UVSSA: variants seen among roughly 807,000 people sequenced by gnomAD.
UVSSA encodes UV stimulated scaffold protein A, also known as UV-stimulated scaffold protein A.
In UVSSA, 72 loss-of-function variants were observed where a neutral mutation model predicts 73.9. The ratio of observed to expected loss-of-function variants is 0.97; its 90% CI spans 0.81 to 1.19. The LOEUF (loss-of-function observed/expected upper bound fraction) is 1.19. Among genes scored for constraint, UVSSA ranks in the 50% most tolerant of loss-of-function variants. The pLI is 0.00. For synonymous variants in UVSSA, 454 were observed against 391.3 expected (o/e 1.16, Z -1.89); for missense variants, 1,150 against 965.0 (o/e 1.19, Z -2.54).
chr4:1,349,039 T>G (rs76149189), intron 2 of UVSSA, among the ~76,000 whole-genome samples: 23 of 50,972 alleles, frequency 4.5e-4, no homozygotes, highest in Non-Finnish European at 8.9e-4. Flanking sequence ...CCAGGCGGTG[T>G]GTGTTTGTGC....
downstream of UVSSA, chr4:1,388,157 A>T (rs1236480972): frequency 2.0e-5 from 3 of 152,092 alleles, no homozygotes; most frequent in African/African-American, 7.2e-5. Context: ...ATTTACTCAT[A>T]TTTTATTATT....
chr4:1,375,508 G>T lies in UVSSA; in HGVS notation c.1433G>T (p.Ser478Ile). Residue 478 changes from serine (S) to isoleucine (I), a missense_variant and splice_region_variant, in exon 9 of 14, where the codon AGC becomes ATC. By Grantham distance (142) the Ser-to-Ile change is moderately radical. Transcript: ENST00000389851. ...RDHLPPPSSA[S>I]PSRALPEPQE... Reference sequence around the variant, plus strand: ...CACTTGCCTCCACCCTCATCTGCCAGGTGACTCCCAGTGTCCTGTGTGCTG... The same window carrying T: ...CACTTGCCTCCACCCTCATCTGCCATGTGACTCCCAGTGTCCTGTGTGCTG... 6.2e-7 allele frequency: 1 copy of T among 1,609,046 alleles called. No individual in the cohort carries two copies. Among genetic ancestry groups the T allele is most frequent in the Non-Finnish European group, 8.5e-7 (1 of 1,179,616 alleles).
intron 10 of UVSSA, among the ~76,000 whole-genome samples, chr4:1,376,380 T>C (rs1475225403): frequency 6.6e-6 from 1 of 152,188 alleles, no homozygotes; most frequent in African/African-American, 2.4e-5. Flanking sequence ...TTTGAGCCTT[T>C]CTGCTGCTGT....
chr4:1,356,305 G>T (rs1037890677), intron 7 of UVSSA, among the ~76,000 whole-genome samples: 1 of 152,142 alleles, frequency 6.6e-6, no homozygotes, highest in African/African-American at 2.4e-5. Context: ...AGCTCCTCTC[G>T]ATTAAATGCT....
intron 12 of UVSSA, 152 bp downstream of exon 12, chr4:1,381,140 G>A (rs1231006681): frequency 6.7e-6 from 5 of 747,560 alleles, no homozygotes; most frequent in Non-Finnish European, 1.1e-5. Flanking sequence ...GGCAGAATCA[G>A]GAGGGGATGC....
At chr4:1,379,912 T>TTTTG in intron 10 of UVSSA, 135 bp from the exon 11 acceptor site, 95 of 953,782 alleles carry the variant, frequency 1.0e-4, no homozygotes, top group Non-Finnish European at 1.2e-4. Context: ...GACCGTGTTC[T>TTTTG]CCCTGGGTGC....
At position 1,361,799 on chromosome 4, in the gene UVSSA, C is replaced by T. The variant is rs368058455; in HGVS notation, c.1177-4521C>T. 1.0e-3 allele frequency among the ~76,000 whole-genome samples: 154 copies of T among 151,450 alleles called. 4 individuals carry two copies. In the South Asian group the frequency reaches 0.03, roughly 30 times the overall value. On this transcript the variant is annotated intron_variant, in intron 7 of 13. Transcript: ENST00000389851. ...GTTTTTAAACACATAGCCATCAAGG[C>T]GCTGAAAGACAAATGCAATTTGGAA...
chr4:1,372,852 CCGCGTCCCTG>C (rs1426000148), intron 8 of UVSSA, among the ~76,000 whole-genome samples: 3 of 77,456 alleles, frequency 3.9e-5, no homozygotes, highest in African/African-American at 7.3e-5. Context: ...CACTCACCTC[CCGCGTCCCTG>C]CACTCACCTC....
At chr4:1,364,649 A>G (rs1159366957) in intron 7 of UVSSA, among the ~76,000 whole-genome samples, 1 of 152,138 alleles carries the variant, frequency 6.6e-6, no homozygotes, top group Non-Finnish European at 1.5e-5. Flanking sequence ...GTATTCCTCC[A>G]ACAGGGATCT....
chr4:1,373,804 T>G (rs1718423907), intron 8 of UVSSA, among the ~76,000 whole-genome samples: 1 of 152,210 alleles, frequency 6.6e-6, no homozygotes, highest in Non-Finnish European at 1.5e-5. Flanking sequence ...TCCCTCGCTG[T>G]CTGCGGTCAC....
At chr4:1,352,143 C>G (rs760802175) in intron 4 of UVSSA, among the ~76,000 whole-genome samples, 1 of 152,276 alleles carries the variant, frequency 6.6e-6, no homozygotes, top group Non-Finnish European at 1.5e-5. Context: ...GCTGAAGGCC[C>G]TGCCACCTGT....
In UVSSA at chr4:1,366,383, A is replaced by C; in HGVS notation, c.1240A>C (p.Lys414Gln). 1 of 1,613,400 alleles carries C rather than the reference A, an allele frequency of 6.2e-7. No individual in the cohort carries two copies. Among genetic ancestry groups the C allele is most frequent in the South Asian group, 1.1e-5 (1 of 91,054 alleles). Residue 414 changes from lysine to glutamine, a missense_variant, in exon 8 of 14, where the codon AAG (lysine) becomes CAG (glutamine). Transcript: ENST00000389851. Reference sequence around the variant, plus strand: ...TGAGGACTTTGTGGAGGTCCCTGAGAAGGAGGGGTATGAGCCACACATCCC... The same window carrying C: ...TGAGGACTTTGTGGAGGTCCCTGAGCAGGAGGGGTATGAGCCACACATCCC... ...DDEDFVEVPE[K>Q]EGYEPHIPDH...
At chr4:1,372,180 A>C (rs1331366636) in intron 8 of UVSSA, among the ~76,000 whole-genome samples, 1 of 151,964 alleles carries the variant, frequency 6.6e-6, no homozygotes, top group South Asian at 2.1e-4. Context: ...CTTTATTTTC[A>C]ACTTTTCACT....
chr4:1,373,198 C>G (rs1455594667), intron 8 of UVSSA, among the ~76,000 whole-genome samples: 1 of 152,170 alleles, frequency 6.6e-6, no homozygotes, highest in African/African-American at 2.4e-5. Flanking sequence ...AAAGTATCAG[C>G]TAATTTATAT....
intron 10 of UVSSA, 27 bp downstream of exon 10, chr4:1,376,195 C>T (rs1377886754): frequency 1.9e-6 from 3 of 1,590,686 alleles, no homozygotes; most frequent in Non-Finnish European, 2.6e-6. Flanking sequence ...CTGAAGTCGG[C>T]CAGGGCACAC....
intron 7 of UVSSA, among the ~76,000 whole-genome samples, chr4:1,361,464 C>A (rs1213959825): frequency 1.3e-5 from 2 of 152,274 alleles, no homozygotes; most frequent in African/African-American, 4.8e-5. Context: ...TTCAGCAGAA[C>A]CTCCAGGCTC....
chr4:1,380,171 C>T lies in UVSSA; in HGVS notation c.1693C>T (p.His565Tyr). The change falls in exon 11 of 14, where the codon CAC (histidine) becomes TAC (tyrosine). Residue 565 changes from histidine to tyrosine, a missense_variant. By Grantham distance (83) the His-to-Tyr change is moderately conservative. Transcript: ENST00000389851. ...TGCCGGGAAGTTTGAGCCTGTGCAGCACTGGTGCCGTGCCCCGAGGCCAGA... is the reference window on the plus strand; with the variant it reads ...TGCCGGGAAGTTTGAGCCTGTGCAGTACTGGTGCCGTGCCCCGAGGCCAGA... ...TFAGKFEPVQ[H>Y]WCRAPRPDGR... 6.2e-7 allele frequency: 1 copy of T among 1,613,122 alleles called. No homozygotes were observed.
Position 1,395,917 on chromosome 4 carries a change from G to C in UVSSA, c.*9956G>C. ...GTAAAATTGAATTCAGGACTGATTTGTTAGCCTGGTGCTTTTCGTATCAGA... is the reference window on the plus strand; with the variant it reads ...GTAAAATTGAATTCAGGACTGATTTCTTAGCCTGGTGCTTTTCGTATCAGA... On this transcript the variant is annotated 3_prime_UTR_variant, in exon 14 of 14. Transcript: ENST00000511216. 4.5e-6 allele frequency: 7 copies of C among 1,570,410 alleles called. 1 individual carries two copies. In the South Asian group the frequency reaches 8.5e-5, roughly 19 times the overall value.
chr4:1,354,651 C>A (rs1049109404), intron 5 of UVSSA, 84 bp from the exon 6 acceptor site: 1 of 1,275,408 alleles, frequency 7.8e-7, no homozygotes, highest in Non-Finnish European at 1.1e-6. Flanking sequence ...GCTAGAGCAG[C>A]CTTCCTTGCA....
Sources: allele counts gnomAD v4.1 joint callset (sites outside exome capture counted in the v4.1 genomes callset), GRCh38; gene constraint gnomAD v4.1.1; transcripts MANE v1.5; gene names NCBI Gene and HGNC (gene_info 2026-07-23, HGNC 2026-07-21).